ARL15: variants seen among roughly 807,000 people sequenced by gnomAD.
ARL15 encodes the protein ADP-ribosylation factor-like protein 15.
ARL15 carries 19 observed loss-of-function variants against 25.2 expected under a neutral mutation model. That is an observed-to-expected ratio of 0.75 (90% CI 0.53 to 1.10). The LOEUF (loss-of-function observed/expected upper bound fraction) is 1.10, where lower values mean the gene tolerates loss of function less well. Among genes scored for constraint, ARL15 ranks in the 50% least tolerant of loss-of-function variants. ARL15 has a pLI of 0.00. For missense variants in ARL15, 220 were observed against 246.0 expected (o/e 0.89, Z 0.71); for synonymous variants, 94 against 86.8 (o/e 1.08, Z -0.46).
intron 4 of ARL15, among the ~76,000 whole-genome samples, chr5:53,926,096 G>A (rs1374344316): frequency 1.4e-5 from 2 of 143,890 alleles, no homozygotes; most frequent in Non-Finnish European, 3.0e-5. Context: ...GTATCTTATT[G>A]TATCAGGCAA....
intron 1 of ARL15, among the ~76,000 whole-genome samples, chr5:54,276,752 A>G (rs547260871): frequency 6.6e-6 from 1 of 152,358 alleles, no homozygotes; most frequent in Admixed American, 6.5e-5. Context: ...GTCCTTATAA[A>G]GAGGGAGACA....
intron 4 of ARL15, among the ~76,000 whole-genome samples, chr5:54,013,613 C>T (rs1749313272): frequency 6.6e-6 from 1 of 152,160 alleles, no homozygotes; most frequent in Admixed American, 6.5e-5. Flanking sequence ...AGATTTGTGA[C>T]TTCCCCACTT....
chr5:54,028,656 T>C (rs1453997362), intron 4 of ARL15, among the ~76,000 whole-genome samples: 1 of 152,140 alleles, frequency 6.6e-6, no homozygotes, highest in Non-Finnish European at 1.5e-5. Flanking sequence ...AGTCTATCCA[T>C]TGAAGGCAAA....
At chr5:54,282,583 A>T in intron 1 of ARL15, 1 of 980,850 alleles carries the variant, frequency 1.0e-6, no homozygotes, top group Non-Finnish European at 1.2e-6. Flanking sequence ...GCATCATTTA[A>T]GGAGTGTAAC....
intron 4 of ARL15, among the ~76,000 whole-genome samples, chr5:53,948,523 A>G (rs1364077420): frequency 2.0e-5 from 3 of 152,374 alleles, no homozygotes; most frequent in Non-Finnish European, 4.4e-5. Context: ...TTCACTGAAC[A>G]GAAAAGAGAA....
chr5:53,892,601 C>CTTT (rs70986647), intron 4 of ARL15, among the ~76,000 whole-genome samples: 1 of 141,224 alleles, frequency 7.1e-6, no homozygotes. Flanking sequence ...ATTACTGTTA[C>CTTT]TTTTTTTTTT....
At chr5:54,085,657 A>C (rs1751941622) in intron 4 of ARL15, among the ~76,000 whole-genome samples, 1 of 152,184 alleles carries the variant, frequency 6.6e-6, no homozygotes, top group Non-Finnish European at 1.5e-5. Flanking sequence ...AGCTATCAAT[A>C]TATAAATTAT....
At chr5:54,258,446 G>T (rs1284459010) in intron 1 of ARL15, among the ~76,000 whole-genome samples, 3 of 152,184 alleles carry the variant, frequency 2.0e-5, no homozygotes, top group African/African-American at 7.2e-5. Context: ...TCTGAGGCAA[G>T]AGATTCATAG....
rs974694848 is a variant in ARL15, at chr5:54,001,091, C to T, written c.462+112111G>A. Among the ~76,000 whole-genome samples the T allele has an allele frequency of 2.6e-4, 40 of 152,058 alleles. 1 individual carries two copies. The highest frequency in any genetic ancestry group is 8.9e-4 in the African/African-American group (37 of 41,388). On this transcript the variant is annotated intron_variant, in intron 4 of 4. Transcript: ENST00000504924. ...AGTACTTTTAATGGTACTTTTTGCC[C>T]GACTTTGAACAATGGAATTTTTGTT...
intron 4 of ARL15, among the ~76,000 whole-genome samples, chr5:54,095,061 C>T (rs1752244172): frequency 1.3e-5 from 2 of 152,084 alleles, no homozygotes; most frequent in African/African-American, 4.8e-5. Flanking sequence ...TGCCTCTGTC[C>T]TTCAGTGGGC....
intron 4 of ARL15, among the ~76,000 whole-genome samples, chr5:53,907,488 A>ATACATATATATT (rs1360900279): frequency 5.6e-5 from 1 of 18,018 alleles, no homozygotes; most frequent in African/African-American, 2.9e-4. Flanking sequence ...ATATATATAT[A>ATACATATATATT]TTTTTTTTTT....
At chr5:54,276,904 T>C (rs1401619816) in intron 1 of ARL15, among the ~76,000 whole-genome samples, 1 of 152,152 alleles carries the variant, frequency 6.6e-6, no homozygotes, top group East Asian at 1.9e-4. Context: ...ACCCAGAACG[T>C]CCAGAAAGAA....
intron 4 of ARL15, among the ~76,000 whole-genome samples, chr5:54,020,134 G>A (rs984016963): frequency 6.6e-6 from 1 of 152,160 alleles, no homozygotes. Flanking sequence ...ATATTAAAAT[G>A]AGATTTTAAA....
At chr5:54,115,277 C>T (rs1230276358) in intron 3 of ARL15, among the ~76,000 whole-genome samples, 2 of 152,154 alleles carry the variant, frequency 1.3e-5, no homozygotes, top group East Asian at 3.9e-4. Context: ...CCTCTGGGAT[C>T]AAGAGATAGG....
intron 4 of ARL15, among the ~76,000 whole-genome samples, chr5:54,046,064 T>G (rs1750499859): frequency 6.6e-6 from 1 of 151,098 alleles, no homozygotes; most frequent in Admixed American, 6.6e-5. Context: ...TATAAACAGA[T>G]CTGTAAAAAA....
intron 1 of ARL15, among the ~76,000 whole-genome samples, chr5:54,297,972 G>A (rs540271567): frequency 6.6e-5 from 10 of 152,154 alleles, no homozygotes; most frequent in East Asian, 5.8e-4. Flanking sequence ...TAGTAGAGAC[G>A]GGGTTTCACC....
At position 53,987,035 on chromosome 5, in the gene ARL15, GACTGAGGATGGAA is replaced by G. The variant is rs568367532; in HGVS notation, c.463-100335_463-100323del. Among the ~76,000 whole-genome samples, 445 of 152,306 alleles carry G rather than the reference GACTGAGGATGGAA, an allele frequency of 2.9e-3. 3 individuals carry two copies. The highest frequency in any genetic ancestry group is 8.7e-3 in the African/African-American group (363 of 41,574). On this transcript the variant is annotated intron_variant, in intron 4 of 4. Transcript: ENST00000504924. Reference sequence around the variant, plus strand: ...GAATGGCCAAGTCTTCAATGACAGAGACTGAGGATGGAAACTGGGCAGTGGAGATGGCTGAAGG... The same window carrying G: ...GAATGGCCAAGTCTTCAATGACAGAGACTGGGCAGTGGAGATGGCTGAAGG...
chr5:54,154,760 T>C (rs1272287612), intron 2 of ARL15, 121 bp from the exon 3 acceptor site: 4 of 588,176 alleles, frequency 6.8e-6, no homozygotes, highest in Middle Eastern at 2.7e-4. Context: ...GTAGCTGATA[T>C]TTATACTAGA....
intron 4 of ARL15, among the ~76,000 whole-genome samples, chr5:53,910,090 C>T (rs1046855450): frequency 6.6e-6 from 1 of 152,104 alleles, no homozygotes; most frequent in Non-Finnish European, 1.5e-5. Context: ...CCAGAAGACC[C>T]TCAGGATTCT....
Sources: allele counts gnomAD v4.1 joint callset (sites outside exome capture counted in the v4.1 genomes callset), GRCh38; gene constraint gnomAD v4.1.1; transcripts MANE v1.5; gene names NCBI Gene and HGNC (gene_info 2026-07-23, HGNC 2026-07-21).